XYLT1: variants seen among roughly 807,000 people sequenced by gnomAD.
XYLT1 encodes xylosyltransferase 1.
In XYLT1, 36 loss-of-function variants were observed where a neutral mutation model predicts 91.3. The observed-to-expected ratio is 0.39, with a 90% CI of 0.30 to 0.52. XYLT1 has a LOEUF of 0.52. Among genes scored for constraint, XYLT1 ranks in the 20% least tolerant of loss-of-function variants. XYLT1 has a pLI of 0.68. For synonymous variants in XYLT1, 588 were observed against 532.0 expected (o/e 1.11, Z -1.45); for missense variants, 1,242 against 1,284.5 (o/e 0.97, Z 0.51).
In XYLT1 at chr16:17,105,768, TG is replaced by T. The variant is rs1966766082; in HGVS notation, c.*2926del. On this transcript the variant is annotated 3_prime_UTR_variant, in exon 12 of 12. Transcript: ENST00000261381. ...TCCAGAGACCACAGCCCTATGCTTT[TG>T]AAATCTTCCACAGCCCAAGCTCCAG... is the stretch of plus-strand genomic sequence containing the variant. 6.6e-6 allele frequency: 1 copy of T among 152,184 alleles called. No homozygotes were observed. The highest frequency in any genetic ancestry group is 2.1e-4 in the South Asian group (1 of 4,822). 9.4% of individuals were successfully genotyped at this position (152,184 alleles called of 1,614,324 possible). A position where few individuals can be genotyped will look rare whatever the true frequency, so the allele number is the denominator to read the frequency against.
chr16:17,341,263 G>A (rs1344086698), intron 2 of XYLT1, among the ~76,000 whole-genome samples: 1 of 152,172 alleles, frequency 6.6e-6, no homozygotes, highest in East Asian at 1.9e-4. Context: ...GGAAATCAGT[G>A]AAATAGATGA....
intron 1 of XYLT1, among the ~76,000 whole-genome samples, chr16:17,431,754 G>C (rs1307458049): frequency 3.3e-5 from 5 of 152,216 alleles, no homozygotes; most frequent in African/African-American, 1.2e-4. Flanking sequence ...AAATCACGTT[G>C]TCCAATAAAG....
chr16:17,237,443 T>C (rs1023214442), intron 3 of XYLT1, among the ~76,000 whole-genome samples: 1 of 152,172 alleles, frequency 6.6e-6, no homozygotes, highest in Non-Finnish European at 1.5e-5. Flanking sequence ...TTGAAGATAC[T>C]GGTTGGAGGT....
At chr16:17,144,671 T>C (rs2031085824) in intron 6 of XYLT1, among the ~76,000 whole-genome samples, 1 of 152,194 alleles carries the variant, frequency 6.6e-6, no homozygotes, top group South Asian at 2.1e-4. Flanking sequence ...GAAAAGGTCA[T>C]ACATTTTTAA....
intron 1 of XYLT1, among the ~76,000 whole-genome samples, chr16:17,359,820 G>A (rs913140672): frequency 2.6e-5 from 4 of 152,168 alleles, no homozygotes; most frequent in Non-Finnish European, 4.4e-5. Flanking sequence ...GGTAAAACCC[G>A]ACATTCATAG....
chr16:17,176,379 G>C (rs527626818), intron 5 of XYLT1, among the ~76,000 whole-genome samples: 3 of 152,382 alleles, frequency 2.0e-5, no homozygotes, highest in African/African-American at 7.2e-5. Flanking sequence ...AGTAAAGGCT[G>C]AGGCAGGTAA....
chr16:17,246,600 C>A (rs577763094), intron 3 of XYLT1, among the ~76,000 whole-genome samples: 1 of 152,310 alleles, frequency 6.6e-6, no homozygotes, highest in Non-Finnish European at 1.5e-5. Flanking sequence ...GGATCAGTTT[C>A]TTCGTCTGTT....
At chr16:17,128,150 T>G (rs996127521) in intron 9 of XYLT1, among the ~76,000 whole-genome samples, 1 of 152,242 alleles carries the variant, frequency 6.6e-6, no homozygotes, top group Non-Finnish European at 1.5e-5. Context: ...TATTGAGTCC[T>G]CTGGTGCTTG....
intron 1 of XYLT1, among the ~76,000 whole-genome samples, chr16:17,404,162 CA>C (rs1183871654): frequency 1.3e-5 from 2 of 152,106 alleles, no homozygotes; most frequent in African/African-American, 4.8e-5. Context: ...ACTCAGGGCC[CA>C]GGAAGGGTCG....
At chr16:17,258,425 A>C (rs1416218163) in intron 3 of XYLT1, among the ~76,000 whole-genome samples, 1 of 151,892 alleles carries the variant, frequency 6.6e-6, no homozygotes, top group Non-Finnish European at 1.5e-5. Context: ...ACCAGGAAGA[A>C]AATGAGGAAG....
chr16:17,117,808 T>A lies in XYLT1; in HGVS notation c.2395A>T (p.Ile799Phe). The A allele has an allele frequency of 6.2e-7, 1 of 1,614,124 alleles. No homozygotes were observed. The highest frequency in any genetic ancestry group is 8.5e-7 in the Non-Finnish European group (1 of 1,180,030). ...NVIAATYDIL[I>F]ESTAEFTHYK... ...TGTGTGAATTCGGCAGTGGACTCAATGAGGATGTCGTAGGTGGCTGCGATG... is the reference window on the plus strand; with the variant it reads ...TGTGTGAATTCGGCAGTGGACTCAAAGAGGATGTCGTAGGTGGCTGCGATG... Residue 799 changes from isoleucine (I) to phenylalanine (F), a missense_variant, in exon 11 of 12, where the codon ATT becomes TTT. Coordinates refer to ENST00000261381, the MANE Select transcript of XYLT1 (RefSeq NM_022166.4).
chr16:17,327,602 TCCCGCCCCCCC>T lies in XYLT1; in HGVS notation c.402+30399_402+30409del, dbSNP rs1457901438. The stretch of plus-strand genomic sequence containing the variant: ...TGGTCTCAATCTCCTGACCTCGTGA[TCCCGCCCCCCC>T]CCCCCCCCCCCCCCCGCCTCGGCCT... On this transcript the variant is annotated intron_variant, in intron 2 of 11. Transcript: ENST00000261381. 1.0e-3 allele frequency among the ~76,000 whole-genome samples: 110 copies of T among 107,062 alleles called. 4 individuals are homozygous for T. The highest frequency in any genetic ancestry group is 3.7e-3 in the African/African-American group (102 of 27,574). The allele number at this position is 107,062 out of a possible 152,430, so 70.2% of individuals were successfully genotyped here.
chr16:17,296,860 G>A lies in XYLT1; in HGVS notation c.403-37362C>T, dbSNP rs983728237. On this transcript the variant is annotated intron_variant, in intron 2 of 11. Transcript: ENST00000261381. ...ACAAACCACCGGGGTTCAAATCCCCGCTCCTCCACTTCCTGGCTGTGTTAC... is the reference window on the plus strand; with the variant it reads ...ACAAACCACCGGGGTTCAAATCCCCACTCCTCCACTTCCTGGCTGTGTTAC... Among the ~76,000 whole-genome samples the A allele has an allele frequency of 2.0e-5, 3 of 152,302 alleles. No homozygotes were observed. The South Asian group carries it at 6.2e-4, about 32-fold the overall frequency.
intron 1 of XYLT1, among the ~76,000 whole-genome samples, chr16:17,408,301 G>A (rs1266428346): frequency 6.6e-6 from 1 of 152,218 alleles, no homozygotes; most frequent in African/African-American, 2.4e-5. Flanking sequence ...ATCATTGAGT[G>A]TGAACATATT....
chr16:17,428,922 G>A (rs1181046509), intron 1 of XYLT1, among the ~76,000 whole-genome samples: 1 of 152,166 alleles, frequency 6.6e-6, no homozygotes, highest in Non-Finnish European at 1.5e-5. Flanking sequence ...AGGGTCAATG[G>A]ATGAAATGCC....
At chr16:17,145,584 C>T (rs1363779573) in intron 6 of XYLT1, among the ~76,000 whole-genome samples, 1 of 152,212 alleles carries the variant, frequency 6.6e-6, no homozygotes, top group African/African-American at 2.4e-5. Context: ...GACAGAAAGA[C>T]ACAGTGCCAA....
chr16:17,134,417 C>G, intron 9 of XYLT1, 56 bp downstream of exon 9: 1 of 1,598,086 alleles, frequency 6.3e-7, no homozygotes, highest in East Asian at 2.2e-5. Flanking sequence ...ACTCTGTACC[C>G]TGAGCCTCCC....
intron 3 of XYLT1, among the ~76,000 whole-genome samples, chr16:17,208,090 G>A (rs887847645): frequency 1.3e-5 from 2 of 151,928 alleles, no homozygotes; most frequent in African/African-American, 4.8e-5. Flanking sequence ...GGGCTCAAGG[G>A]ATCCTCACAC....
intron 2 of XYLT1, among the ~76,000 whole-genome samples, chr16:17,347,680 C>T (rs1265993606): frequency 6.6e-6 from 1 of 152,238 alleles, no homozygotes; most frequent in Admixed American, 6.5e-5. Flanking sequence ...AAACATGACA[C>T]AAGATGACAG....
Sources: allele counts gnomAD v4.1 joint callset (sites outside exome capture counted in the v4.1 genomes callset), GRCh38; gene constraint gnomAD v4.1.1; transcripts MANE v1.5; gene names NCBI Gene and HGNC (gene_info 2026-07-23, HGNC 2026-07-21).